The following B3GALT1 variants were observed in gnomAD, a reference collection of about 807,000 sequenced individuals.
The protein encoded by B3GALT1 is beta-1,3-galactosyltransferase 1.
In B3GALT1, 10 loss-of-function variants were observed where a neutral mutation model predicts 23.2. That is an observed-to-expected ratio of 0.43 (90% CI 0.27 to 0.73). The LOEUF (loss-of-function observed/expected upper bound fraction) is 0.73, where lower values mean the gene tolerates loss of function less well. Among genes scored for constraint, B3GALT1 ranks in the 30% least tolerant of loss-of-function variants. The probability of loss-of-function intolerance (pLI) is 0.21; values close to 1 mark genes in which losing one functional copy is unlikely to be tolerated. For synonymous variants in B3GALT1, 156 were observed against 141.5 expected (o/e 1.10, Z -0.73); for missense variants, 299 against 405.4 (o/e 0.74, Z 2.25).
At chr2:167,673,062 A>G (rs1574205164) in intron 3 of B3GALT1, among the ~76,000 whole-genome samples, 3 of 152,042 alleles carry the variant, frequency 2.0e-5, no homozygotes, top group Non-Finnish European at 4.4e-5. Context: ...AAGTAGACTC[A>G]ATTAGGAGTT....
chr2:167,859,804 C>G (rs1690064760), intron 4 of B3GALT1, among the ~76,000 whole-genome samples: 1 of 152,136 alleles, frequency 6.6e-6, no homozygotes, highest in African/African-American at 2.4e-5. Flanking sequence ...CTTTATCTAT[C>G]TAAGGCAGAG....
intron 1 of B3GALT1, among the ~76,000 whole-genome samples, chr2:167,452,321 G>A (rs1355193268): frequency 6.6e-6 from 1 of 152,082 alleles, no homozygotes; most frequent in East Asian, 1.9e-4. Context: ...GACCTCTGTG[G>A]GACAGTCAGA....
chr2:167,546,583 C>T (rs1226740775), intron 2 of B3GALT1, among the ~76,000 whole-genome samples: 1 of 152,078 alleles, frequency 6.6e-6, no homozygotes, highest in Non-Finnish European at 1.5e-5. Flanking sequence ...GGACAGAGAC[C>T]AGAACTTCCT....
intron 2 of B3GALT1, among the ~76,000 whole-genome samples, chr2:167,499,967 GGT>G (rs1253213074): frequency 2.6e-5 from 4 of 152,112 alleles, no homozygotes; most frequent in South Asian, 4.2e-4. Context: ...GGTCAGGGGT[GGT>G]GTGTGTATAT....
chr2:167,533,899 G>A (rs1683372002), intron 2 of B3GALT1, among the ~76,000 whole-genome samples: 1 of 152,120 alleles, frequency 6.6e-6, no homozygotes. Flanking sequence ...GAATTGTTTA[G>A]ACAGGTGTAC....
rs759629237 is a variant in B3GALT1 at position 167,869,856 on chromosome 2, C to T, written c.817C>T (p.Arg273Ter). The change falls in exon 5 of 5, where the codon CGA becomes TGA. Residue 273 changes from arginine to a stop codon, truncating the protein, a stop_gained. Coordinates refer to ENST00000392690, the MANE Select transcript of B3GALT1 (RefSeq NM_020981.4). LOFTEE classifies it high-confidence loss of function. This position sits in a 1 kb window ranked among gnomAD's most constrained non-coding sequence, Gnocchi z 6.4. ...AGACGTATATGTGGGACTGTGTCTT[C>T]GAAAGCTGGGCATACATCCTTTCCA... is the stretch of plus-strand genomic sequence containing the variant. ...LEDVYVGLCLRKLGIHPFQNS... is the reference protein window; with the variant it reads ...LEDVYVGLCL The T allele has an allele frequency of 1.9e-6, 3 of 1,613,980 alleles. No individual in the cohort carries two copies. Among genetic ancestry groups the T allele is most frequent in the Non-Finnish European group, 8.5e-7 (1 of 1,180,018 alleles).
intron 3 of B3GALT1, among the ~76,000 whole-genome samples, chr2:167,658,560 C>T (rs1035719074): frequency 6.6e-6 from 1 of 151,928 alleles, no homozygotes; most frequent in South Asian, 2.1e-4. Flanking sequence ...ATGTTGGTAT[C>T]CTGAGATTAG....
At chr2:167,777,061 T>C (rs1159289616) in intron 3 of B3GALT1, among the ~76,000 whole-genome samples, 2 of 152,166 alleles carry the variant, frequency 1.3e-5, no homozygotes, top group East Asian at 3.9e-4. Flanking sequence ...CAGTGACTAT[T>C]GGAGAGAAAA....
intron 1 of B3GALT1, among the ~76,000 whole-genome samples, chr2:167,367,476 T>C (rs1007645083): frequency 6.6e-6 from 1 of 152,192 alleles, no homozygotes; most frequent in African/African-American, 2.4e-5. Flanking sequence ...CGTATTACCA[T>C]ATTACCTTGT....
chr2:167,387,010 C>T (rs544556415), intron 1 of B3GALT1, among the ~76,000 whole-genome samples: 1 of 152,044 alleles, frequency 6.6e-6, no homozygotes, highest in South Asian at 2.1e-4. Flanking sequence ...GGTAGGTAGT[C>T]TCATCATATC....
chr2:167,359,889 GA>G (rs1478217029), intron 1 of B3GALT1, among the ~76,000 whole-genome samples: 3 of 151,184 alleles, frequency 2.0e-5, no homozygotes, highest in Non-Finnish European at 2.9e-5. Context: ...ATGTTATTAG[GA>G]AAAAAATAAA....
At chr2:167,492,099 C>T (rs923138700) in intron 2 of B3GALT1, among the ~76,000 whole-genome samples, 7 of 152,136 alleles carry the variant, frequency 4.6e-5, no homozygotes, top group Admixed American at 2.6e-4. Flanking sequence ...AGAATAGCTT[C>T]GCTGCTCTAA....
At chr2:167,417,127 TTGTC>T (rs937304332) in intron 1 of B3GALT1, among the ~76,000 whole-genome samples, 3 of 152,192 alleles carry the variant, frequency 2.0e-5, no homozygotes, top group African/African-American at 7.2e-5. Context: ...GTTTGAATGT[TTGTC>T]CCCTTCAAAA....
At chr2:167,338,707 C>T (rs1238907383) in intron 1 of B3GALT1, among the ~76,000 whole-genome samples, 2 of 151,730 alleles carry the variant, frequency 1.3e-5, no homozygotes, top group African/African-American at 2.4e-5. Context: ...TTTCTTAAGG[C>T]AAATATATAT....
intron 3 of B3GALT1, among the ~76,000 whole-genome samples, chr2:167,765,750 A>T (rs1056179939): frequency 6.6e-6 from 1 of 152,162 alleles, no homozygotes; most frequent in African/African-American, 2.4e-5. Context: ...AACTCTGATA[A>T]TGTGTGTTAG....
intron 1 of B3GALT1, among the ~76,000 whole-genome samples, chr2:167,363,363 C>T (rs989225390): frequency 1.3e-5 from 2 of 151,988 alleles, no homozygotes; most frequent in Non-Finnish European, 2.9e-5. Flanking sequence ...CCTGAAGCCC[C>T]ATCTCAGTCA....
intron 2 of B3GALT1, among the ~76,000 whole-genome samples, chr2:167,591,025 A>C (rs1684670958): frequency 6.6e-6 from 1 of 152,182 alleles, no homozygotes; most frequent in Admixed American, 6.5e-5. Context: ...CTGGAATTAT[A>C]ACATGAACAA....
chr2:167,476,488 A>C (rs1699488219), intron 1 of B3GALT1, among the ~76,000 whole-genome samples: 1 of 152,160 alleles, frequency 6.6e-6, no homozygotes, highest in African/African-American at 2.4e-5. Flanking sequence ...CTGATGTTGA[A>C]AGATATAAAT....
intron 3 of B3GALT1, among the ~76,000 whole-genome samples, chr2:167,659,461 A>G (rs1471405918): frequency 6.6e-6 from 1 of 152,056 alleles, no homozygotes; most frequent in East Asian, 1.9e-4. Flanking sequence ...ATCAAAATGA[A>G]ATTTGTAGAA....
Sources: gnomAD v4.1 joint callset for allele counts (sites outside exome capture counted in the v4.1 genomes callset) on GRCh38, gnomAD v4.1.1 for gene constraint, Gnocchi (gnomAD v3.1) non-coding constraint, MANE v1.5 for transcripts, NCBI Gene and HGNC (gene_info 2026-07-23, HGNC 2026-07-21) for gene names.